Variants in PAQR9 observed in about 807,000 individuals in gnomAD.
The protein encoded by PAQR9 is membrane progestin receptor epsilon.
In PAQR9, 12 loss-of-function variants were observed where a neutral mutation model predicts 24.0. The ratio of observed to expected loss-of-function variants is 0.50; its 90% CI spans 0.32 to 0.81. The LOEUF (loss-of-function observed/expected upper bound fraction) is 0.81, where lower values mean the gene tolerates loss of function less well. PAQR9 is among the 30% of genes least tolerant of loss of function. The pLI is 0.03. For synonymous variants in PAQR9, 266 were observed against 237.6 expected, an observed-to-expected ratio of 1.12 and a Z score of -1.10; for missense variants, 418 against 520.8, an observed-to-expected ratio of 0.80 and a Z score of 1.92.
chr3:142,949,419 C>G (rs1934686128), exon 3 of PAQR9: 1 of 152,212 alleles, frequency 6.6e-6, no homozygotes, highest in East Asian at 1.9e-4. Flanking sequence ...AGTAAAGTAG[C>G]TCTTAGAGAA....
rs1934853265 is a variant in PAQR9 at position 142,959,510 on chromosome 3, G to T, written c.*2693C>A. Among the ~76,000 whole-genome samples, 1 of 152,166 alleles carries T rather than the reference G, an allele frequency of 6.6e-6. No individual in the cohort carries two copies. Among genetic ancestry groups the T allele is most frequent in the Non-Finnish European group, 1.5e-5 (1 of 68,024 alleles). ...GTCTACAAAATCTAAGATGGAATAG[G>T]AAAGAACAGTGGACGAAGGAAAAGG... On this transcript the variant is annotated 3_prime_UTR_variant, in exon 1 of 1. Coordinates refer to ENST00000340634, the MANE Select transcript of PAQR9 (RefSeq NM_198504.4).
Position 142,957,120 on chromosome 3 carries a change from C to G in PAQR9, c.*5083G>C, listed in dbSNP as rs1410229559. On this transcript the variant is annotated 3_prime_UTR_variant, in exon 1 of 1. Transcript: ENST00000340634. ...GCTATCCCGTAATGCCTTTTTGCCTCTGTCCTAATTTTATGGAAACAAAGT... is the reference window on the plus strand; with the variant it reads ...GCTATCCCGTAATGCCTTTTTGCCTGTGTCCTAATTTTATGGAAACAAAGT... Among the ~76,000 whole-genome samples the G allele has an allele frequency of 1.3e-5, 2 of 152,174 alleles. No homozygotes were observed. Among genetic ancestry groups the G allele is most frequent in the African/African-American group, 4.8e-5 (2 of 41,430 alleles).
chr3:142,952,776 G>C (rs1934734858), downstream of PAQR9: 1 of 456,716 alleles, frequency 2.2e-6, no homozygotes, highest in Non-Finnish European at 4.4e-6. Context: ...AGTGGGGAGG[G>C]ACAGGAAAAC....
At chr3:142,950,102 A>G (rs1934693527), downstream of PAQR9, 2 of 152,000 alleles carry the variant, frequency 1.3e-5, no homozygotes, top group African/African-American at 2.4e-5. Flanking sequence ...TGGTTCTTGC[A>G]TATTGTTTAT....
In PAQR9 at chr3:142,962,785, A is replaced by G. The variant is rs1288463194; in HGVS notation, c.552T>C (p.Asp184=). The G allele has an allele frequency of 6.2e-7, 1 of 1,612,466 alleles. No homozygotes were observed. Among genetic ancestry groups the G allele is most frequent in the Non-Finnish European group, 8.5e-7 (1 of 1,179,656 alleles). ...YYLLPGLSLL[D]ARVMTPYLQQ... is the part of the protein sequence containing the mutation. ...GCAAGTATGGAGTCATGACTCTGGC[A>G]TCCAGCAAGCTGAGGCCTGGCAACA... The change falls in exon 1 of 1, where the codon GAT becomes GAC. Residue 184 remains aspartate, a synonymous_variant. Transcript: ENST00000340634.
downstream of PAQR9, among the ~76,000 whole-genome samples, chr3:142,954,477 TTCTTA>T (rs577826866): frequency 1.3e-5 from 2 of 152,244 alleles, no homozygotes; most frequent in Admixed American, 6.5e-5. Flanking sequence ...GTAATGTTTT[TTCTTA>T]TCTTGTTTAT....
chr3:142,962,280 T>C lies in PAQR9; in HGVS notation c.1057A>G (p.Met353Val). The change falls in exon 1 of 1, where the codon ATG becomes GTG. Residue 353 changes from methionine to valine, a missense_variant. Transcript: ENST00000340634. ...APTFSGTVGY[M>V]LLLVVCLGLV... ...CCCAGGCAGACCACCAGCAGCAGCA[T>C]GTAGCCCACAGTACCCGAGAAAGTG... The C allele has an allele frequency of 6.2e-7, 1 of 1,614,132 alleles. No homozygotes were observed. The highest frequency in any genetic ancestry group is 1.1e-5 in the South Asian group (1 of 91,070).
chr3:142,954,510 TA>T (rs751807055), downstream of PAQR9, among the ~76,000 whole-genome samples: 17 of 152,252 alleles, frequency 1.1e-4, no homozygotes, highest in Non-Finnish European at 1.9e-4. Flanking sequence ...ATGAATATTT[TA>T]CTGTTAATTT....
At chr3:142,952,057 G>C (rs568920113), downstream of PAQR9, among the ~76,000 whole-genome samples, 1 of 147,202 alleles carries the variant, frequency 6.8e-6, no homozygotes, top group East Asian at 2.1e-4. Context: ...AGGGGGGGGG[G>C]TGTTGTTAGA....
At position 142,955,620 on chromosome 3, in the gene PAQR9, T is replaced by C. The variant is rs140080927; in HGVS notation, c.*6583A>G. On this transcript the variant is annotated 3_prime_UTR_variant, in exon 1 of 1. Coordinates refer to ENST00000340634, the MANE Select transcript of PAQR9 (RefSeq NM_198504.4). ...GGGCTGTACATTTTATTGGCTACGT[T>C]ATTCACCATGCTTATAAACTCATCA... Among the ~76,000 whole-genome samples, 5 of 152,240 alleles carry C rather than the reference T, an allele frequency of 3.3e-5. No homozygotes were observed. Among genetic ancestry groups the C allele is most frequent in the African/African-American group, 9.6e-5 (4 of 41,560 alleles).
At chr3:142,951,706 C>T, downstream of PAQR9, 4 of 456,538 alleles carry the variant, frequency 8.8e-6, no homozygotes, top group South Asian at 3.1e-5. Flanking sequence ...GTGGCAGAAC[C>T]AGGAAGCCAC....
At position 142,963,443 on chromosome 3, in the gene PAQR9, G is replaced by C; in HGVS notation, c.-107C>G. On this transcript the variant is annotated 5_prime_UTR_variant, in exon 1 of 1. Transcript: ENST00000340634. ...GTCGGAGCCTTTGTGCCCACGCCGGGGGCGTCGCTGCAGGTTTAGGAGAAG... is the reference window on the plus strand; with the variant it reads ...GTCGGAGCCTTTGTGCCCACGCCGGCGGCGTCGCTGCAGGTTTAGGAGAAG... 3.8e-6 allele frequency: 4 copies of C among 1,048,790 alleles called. No individual in the cohort carries two copies. The highest frequency in any genetic ancestry group is 4.6e-6 in the Non-Finnish European group (4 of 873,692). The allele number at this position is 1,048,790 out of a possible 1,614,324, so 65.0% of individuals were successfully genotyped here.
Position 142,959,805 on chromosome 3 carries a change from G to C in PAQR9, c.*2398C>G, listed in dbSNP as rs965548978. Reference sequence around the variant, plus strand: ...ATTGTTCTCAAACTCATTAATCCTTGCTAGAAGTCTTCCTCCTGAAAGTTC... The same window carrying C: ...ATTGTTCTCAAACTCATTAATCCTTCCTAGAAGTCTTCCTCCTGAAAGTTC... On this transcript the variant is annotated 3_prime_UTR_variant, in exon 1 of 1. Transcript: ENST00000340634. Among the ~76,000 whole-genome samples, 2 of 152,196 alleles carry C rather than the reference G, an allele frequency of 1.3e-5. No individual in the cohort carries two copies. Among genetic ancestry groups the C allele is most frequent in the Non-Finnish European group, 1.5e-5 (1 of 68,022 alleles).
chr3:142,951,775 T>C (rs974136355), downstream of PAQR9: 5 of 456,336 alleles, frequency 1.1e-5, no homozygotes, highest in South Asian at 6.2e-5. Context: ...TTTGAGAAAA[T>C]TGATGTCAGG....
rs1470531192 is a variant in PAQR9, at chr3:142,961,361, AC to A, written c.*841del. 9 of 152,650 alleles carry A rather than the reference AC, an allele frequency of 5.9e-5. No individual in the cohort carries two copies. The highest frequency in any genetic ancestry group is 1.5e-5 in the Non-Finnish European group (1 of 68,050). 9.5% of individuals were successfully genotyped at this position (152,650 alleles called of 1,614,324 possible). A position where few individuals can be genotyped will look rare whatever the true frequency, so the allele number is the denominator to read the frequency against. On this transcript the variant is annotated 3_prime_UTR_variant, in exon 1 of 1. Transcript: ENST00000340634. ...GGTTTTGTGGAATACATTAAAGTAA[AC>A]AAAAATCTGGGGTCTATACAAACCA... is the stretch of plus-strand genomic sequence containing the variant.
Position 142,963,379 on chromosome 3 carries a change from C to T in PAQR9, c.-43G>A, listed in dbSNP as rs1305646577. On this transcript the variant is annotated 5_prime_UTR_variant, in exon 1 of 1. Coordinates refer to ENST00000340634, the MANE Select transcript of PAQR9 (RefSeq NM_198504.4). ...TAGGGCGCGCGCAGGCGACCTCTGGCGCCGGCTCCCGGGCGCTGGGCAGCC... is the reference window on the plus strand; with the variant it reads ...TAGGGCGCGCGCAGGCGACCTCTGGTGCCGGCTCCCGGGCGCTGGGCAGCC... 6 of 1,149,266 alleles carry T rather than the reference C, an allele frequency of 5.2e-6. No homozygotes were observed. The East Asian group carries it at 1.3e-4, about 25-fold the overall frequency. The allele number at this position is 1,149,266 out of a possible 1,614,324, so 71.2% of individuals were successfully genotyped here.
Position 142,958,494 on chromosome 3 carries a change from T to C in PAQR9, c.*3709A>G, listed in dbSNP as rs971049218. On this transcript the variant is annotated 3_prime_UTR_variant, in exon 1 of 1. Transcript: ENST00000340634. ...ATACCTGTCTCCTATTATAGCTTTG[T>C]GCAGATTAACTAATTAAAGTTATGA... is the stretch of plus-strand genomic sequence containing the variant. Among the ~76,000 whole-genome samples, 1 of 152,220 alleles carries C rather than the reference T, an allele frequency of 6.6e-6. No individual in the cohort carries two copies. Among genetic ancestry groups the C allele is most frequent in the Admixed American group, 6.5e-5 (1 of 15,288 alleles).
chr3:142,962,234 AG>A lies in PAQR9; in HGVS notation c.1102del (p.Leu368Ter). On this transcript the variant is annotated frameshift_variant, in exon 1 of 1. Transcript: ENST00000340634. LOFTEE classifies it high-confidence loss of function. Reference protein sequence around the residue: ...VCLGLVIRKFLNSSEFCSKK With the variant: ...VCLGLVIRKFXNSSEFCSKK ...TTTACTGCAGAATTCGGAGCTGTTT[AG>A]GAACTTCCTGATTACCAGCCCCAGG... 1 of 1,614,028 alleles carries A rather than the reference AG, an allele frequency of 6.2e-7. No homozygotes were observed. The highest frequency in any genetic ancestry group is 8.5e-7 in the Non-Finnish European group (1 of 1,180,028).
downstream of PAQR9, chr3:142,950,695 G>C (rs1201086716): frequency 4.8e-6 from 1 of 208,786 alleles, no homozygotes; most frequent in African/African-American, 2.3e-5. Flanking sequence ...AGAATTGAGA[G>C]AAACTCTGGG....
Sources: allele counts gnomAD v4.1 joint callset (sites outside exome capture counted in the v4.1 genomes callset), GRCh38; gene constraint gnomAD v4.1.1; transcripts MANE v1.5; gene names NCBI Gene and HGNC (gene_info 2026-07-23, HGNC 2026-07-21).